Variants in SPATA16 observed in about 807,000 individuals in gnomAD.
SPATA16 encodes spermatogenesis associated 16, also known as spermatogenesis-associated protein 16.
A neutral mutation model predicts 63.3 loss-of-function variants in SPATA16; 36 were observed. The ratio of observed to expected loss-of-function variants is 0.57; its 90% CI spans 0.44 to 0.75. The LOEUF is 0.75. Ranked by LOEUF, SPATA16 falls within the 30% of genes least tolerant of loss-of-function variation. The probability of loss-of-function intolerance (pLI) is 0.00; values close to 1 mark genes in which losing one functional copy is unlikely to be tolerated. For missense variants in SPATA16, 646 were observed against 679.3 expected (o/e 0.95, Z 0.54); for synonymous variants, 203 against 216.7 (o/e 0.94, Z 0.56).
chr3:173,069,219 A>T (rs2108305930), intron 2 of SPATA16, among the ~76,000 whole-genome samples: 1 of 152,240 alleles, frequency 6.6e-6, no homozygotes, highest in South Asian at 2.1e-4. Flanking sequence ...CTTAAAAGAT[A>T]AACAAAATTA....
intron 2 of SPATA16, among the ~76,000 whole-genome samples, chr3:173,105,165 A>G (rs1032270551): frequency 5.3e-5 from 8 of 152,224 alleles, no homozygotes; most frequent in Non-Finnish European, 1.0e-4. Flanking sequence ...AATTGTGCCA[A>G]TACATAAAAT....
At chr3:173,024,286 T>G (rs1735402959) in intron 3 of SPATA16, among the ~76,000 whole-genome samples, 1 of 151,698 alleles carries the variant, frequency 6.6e-6, no homozygotes, top group Non-Finnish European at 1.5e-5. Flanking sequence ...TTTTTTTCTC[T>G]TACTACATAG....
chr3:172,971,813 G>C (rs190091378), intron 5 of SPATA16, among the ~76,000 whole-genome samples: 29 of 152,172 alleles, frequency 1.9e-4, no homozygotes, highest in African/African-American at 6.0e-4. Flanking sequence ...GCTATTTTTT[G>C]CTTTGAATGT....
At chr3:173,091,586 A>G (rs1442377781) in intron 2 of SPATA16, among the ~76,000 whole-genome samples, 2 of 152,170 alleles carry the variant, frequency 1.3e-5, no homozygotes, top group Admixed American at 1.3e-4. Flanking sequence ...ATATTTTCAT[A>G]TAGAATTGTC....
intron 4 of SPATA16, among the ~76,000 whole-genome samples, chr3:173,003,280 A>T (rs1321212019): frequency 1.3e-5 from 2 of 152,210 alleles, no homozygotes; most frequent in Admixed American, 6.5e-5. Context: ...TGTCTAATAA[A>T]TGTACTAAAA....
intron 10 of SPATA16, among the ~76,000 whole-genome samples, chr3:172,899,724 C>T (rs6780590): frequency 0.019 from 2,917 of 152,102 alleles, 28 homozygotes; most frequent in Middle Eastern, 0.058. Flanking sequence ...TGAGGTTAAA[C>T]ATTTTTCAGA....
At chr3:173,020,062 G>A (rs372355376) in intron 3 of SPATA16, among the ~76,000 whole-genome samples, 8 of 151,826 alleles carry the variant, frequency 5.3e-5, no homozygotes, top group East Asian at 3.9e-4. Context: ...TTGGGAGGCC[G>A]AAGTGGGTAG....
intron 3 of SPATA16, among the ~76,000 whole-genome samples, chr3:173,040,018 G>C (rs1288504903): frequency 6.6e-6 from 1 of 152,006 alleles, no homozygotes; most frequent in Non-Finnish European, 1.5e-5. Context: ...GGCCTAATCT[G>C]TTTTTCTCTG....
At chr3:172,891,004 AC>A (rs1731884409) in intron 10 of SPATA16, among the ~76,000 whole-genome samples, 1 of 150,220 alleles carries the variant, frequency 6.7e-6, no homozygotes, top group Non-Finnish European at 1.5e-5. Context: ...ACACGCACAC[AC>A]ATACACATAT....
intron 3 of SPATA16, among the ~76,000 whole-genome samples, chr3:173,044,339 C>T (rs775307843): frequency 1.7e-4 from 26 of 152,094 alleles, no homozygotes; most frequent in Non-Finnish European, 3.1e-4. Flanking sequence ...TTGTCTTCAA[C>T]TTCACTAGTC....
intron 3 of SPATA16, 23 bp downstream of exon 3, chr3:173,048,926 C>A (rs759625215): frequency 6.2e-7 from 1 of 1,613,154 alleles, no homozygotes; most frequent in Non-Finnish European, 8.5e-7. Context: ...CATTTACTTG[C>A]ACTTATTAGT....
At chr3:172,951,714 C>G (rs936039603) in intron 6 of SPATA16, among the ~76,000 whole-genome samples, 1 of 152,120 alleles carries the variant, frequency 6.6e-6, no homozygotes, top group Non-Finnish European at 1.5e-5. Context: ...ATGGCACTGT[C>G]ACGTGACCAG....
At chr3:172,958,997 C>T (rs941719951) in intron 5 of SPATA16, among the ~76,000 whole-genome samples, 8 of 152,150 alleles carry the variant, frequency 5.3e-5, no homozygotes, top group African/African-American at 1.9e-4. Context: ...AGGTACAGTT[C>T]AGCCCATAAC....
chr3:173,013,731 A>C (rs1735122081), intron 4 of SPATA16, among the ~76,000 whole-genome samples: 1 of 152,244 alleles, frequency 6.6e-6, no homozygotes, highest in Non-Finnish European at 1.5e-5. Context: ...GCTGTAACTC[A>C]GGCCTGCTCA....
chr3:173,105,096 T>C (rs1737587252), intron 2 of SPATA16, among the ~76,000 whole-genome samples: 1 of 152,222 alleles, frequency 6.6e-6, no homozygotes, highest in African/African-American at 2.4e-5. Flanking sequence ...GGTCTATTCT[T>C]TTAACATGAG....
At chr3:173,046,289 C>T (rs11921142) in intron 3 of SPATA16, among the ~76,000 whole-genome samples, 5,485 of 151,924 alleles carry the variant, frequency 0.036, 343 homozygotes, top group African/African-American at 0.13. Context: ...TATGCCACTT[C>T]GGATATGTTA....
At chr3:172,983,456 T>C (rs1470074282) in intron 4 of SPATA16, among the ~76,000 whole-genome samples, 1 of 152,132 alleles carries the variant, frequency 6.6e-6, no homozygotes, top group African/African-American at 2.4e-5. Flanking sequence ...GTGATCTTTA[T>C]ATGCACCTAT....
intron 1 of SPATA16, among the ~76,000 whole-genome samples, chr3:173,120,182 G>T (rs1024555893): frequency 1.3e-5 from 2 of 152,018 alleles, no homozygotes; most frequent in African/African-American, 2.4e-5. Context: ...AGCAAGAGTG[G>T]CATGGGGAAA....
rs144406647 is a variant in SPATA16 at position 173,098,142 on chromosome 3, GA to G, written c.612+18977del. Among the ~76,000 whole-genome samples, 832 of 142,964 alleles carry G rather than the reference GA, an allele frequency of 5.8e-3. 3 individuals carry two copies. The highest frequency in any genetic ancestry group is 0.018 in the African/African-American group (724 of 39,292). 93.8% of individuals were successfully genotyped at this position (142,964 alleles called of 152,430 possible). On this transcript the variant is annotated intron_variant, in intron 2 of 10. Coordinates refer to ENST00000351008, the MANE Select transcript of SPATA16 (RefSeq NM_031955.6). Reference sequence around the variant, plus strand: ...TCCACCAATCCTTCATCCCAGAAGTGAAAAAAAAAAAACTTGGAAAAAGAAG... The same window carrying G: ...TCCACCAATCCTTCATCCCAGAAGTGAAAAAAAAAAACTTGGAAAAAGAAG...
Sources: gnomAD v4.1 joint callset for allele counts (sites outside exome capture counted in the v4.1 genomes callset) on GRCh38, gnomAD v4.1.1 for gene constraint, MANE v1.5 for transcripts, NCBI Gene and HGNC (gene_info 2026-07-23, HGNC 2026-07-21) for gene names.